The following WWOX variants were observed in gnomAD, a reference collection of about 807,000 sequenced individuals.
WWOX encodes the protein WW domain-containing oxidoreductase.
A neutral mutation model predicts 46.2 loss-of-function variants in WWOX; 69 were observed. The observed-to-expected ratio is 1.49, with a 90% CI of 1.23 to 1.82. WWOX has a LOEUF of 1.82. Ranked by LOEUF, WWOX falls within the 40% of genes most tolerant of loss-of-function variation. The pLI, the probability that WWOX is intolerant of heterozygous loss-of-function variation, is 0.00. For synonymous variants in WWOX, 359 were observed against 202.6 expected (o/e 1.77, Z -6.56); for missense variants, 919 against 542.6 (o/e 1.69, Z -6.89).
intron 5 of WWOX, among the ~76,000 whole-genome samples, chr16:78,383,750 C>T (rs1421831705): frequency 1.3e-5 from 2 of 152,154 alleles, no homozygotes; most frequent in Admixed American, 6.5e-5. Context: ...CTCCATTTCT[C>T]AGGATTGGTA....
chr16:79,063,616 A>G (rs1408021558), intron 8 of WWOX, among the ~76,000 whole-genome samples: 1 of 152,238 alleles, frequency 6.6e-6, no homozygotes, highest in Non-Finnish European at 1.5e-5. Context: ...TTGGCCTTTA[A>G]GCCATCACTA....
intron 8 of WWOX, among the ~76,000 whole-genome samples, chr16:78,635,032 C>T (rs1436697590): frequency 6.6e-6 from 1 of 152,114 alleles, no homozygotes; most frequent in Non-Finnish European, 1.5e-5. Context: ...TCATCCAACC[C>T]TGACGGCTTC....
At chr16:78,711,479 A>G in intron 8 of WWOX, among the ~76,000 whole-genome samples, 1 of 152,220 alleles carries the variant, frequency 6.6e-6, no homozygotes, top group East Asian at 1.9e-4. Flanking sequence ...TGTATCAACT[A>G]AGAAGACTAT....
chr16:78,099,905 G>C lies in WWOX; in HGVS notation c.107+20G>C. ...CGCCAAGTAAGGGGGCCGCAGTGGG[G>C]CCGCGGACGCACCTGGGACCCTGCA... On this transcript the variant is annotated intron_variant, in intron 1 of 8. Coordinates refer to ENST00000566780, the MANE Select transcript of WWOX (RefSeq NM_016373.4). 1 of 1,551,954 alleles carries C rather than the reference G, an allele frequency of 6.4e-7. No homozygotes were observed. Among genetic ancestry groups the C allele is most frequent in the South Asian group, 1.2e-5 (1 of 83,784 alleles).
intron 1 of WWOX, 29 bp from the exon 2 acceptor site, chr16:78,108,394 A>G (rs374137196): frequency 1.9e-6 from 3 of 1,602,252 alleles, no homozygotes; most frequent in Admixed American, 1.7e-5. Flanking sequence ...ATTTTTACTT[A>G]TTACTGTGGA....
chr16:78,538,218 CAAAAAAAAAAA>C (rs67413792), intron 8 of WWOX, among the ~76,000 whole-genome samples: 4 of 60,034 alleles, frequency 6.7e-5, no homozygotes, highest in Non-Finnish European at 8.4e-5. Context: ...TCACTCACAC[CAAAAAAAAAAA>C]AAAAAAAAAA....
chr16:78,962,144 C>G (rs1017038367), intron 8 of WWOX, among the ~76,000 whole-genome samples: 2 of 152,026 alleles, frequency 1.3e-5, no homozygotes, highest in Non-Finnish European at 2.9e-5. Flanking sequence ...GAACAGGAAT[C>G]TCTCCCAGAG....
At chr16:78,382,848 C>G (rs916122574) in intron 5 of WWOX, among the ~76,000 whole-genome samples, 1 of 151,848 alleles carries the variant, frequency 6.6e-6, no homozygotes, top group Non-Finnish European at 1.5e-5. Flanking sequence ...TGTGTTAGTT[C>G]CTTCTCACAC....
intron 8 of WWOX, among the ~76,000 whole-genome samples, chr16:78,816,689 A>T (rs559294836): frequency 3.2e-3 from 481 of 152,046 alleles, no homozygotes; most frequent in Non-Finnish European, 5.5e-3. Context: ...GGACACTTTT[A>T]TGTCACTTTA....
chr16:78,825,324 G>A, intron 8 of WWOX: 1 of 304,230 alleles, frequency 3.3e-6, no homozygotes, highest in South Asian at 3.9e-5. Flanking sequence ...GTCGCTGATG[G>A]CATCTTCAAA....
At chr16:78,423,251 C>T (rs559492017) in intron 6 of WWOX, among the ~76,000 whole-genome samples, 175 of 152,154 alleles carry the variant, frequency 1.2e-3, no homozygotes, top group African/African-American at 4.1e-3. Context: ...CTGTGTGTGT[C>T]TGTGTCTGAT....
chr16:78,913,090 G>C (rs1180855908), intron 8 of WWOX, among the ~76,000 whole-genome samples: 5 of 151,924 alleles, frequency 3.3e-5, no homozygotes, highest in Non-Finnish European at 7.4e-5. Flanking sequence ...CCTAGCTTTT[G>C]CTTCCCACAT....
chr16:79,004,239 G>A (rs576732569), intron 8 of WWOX: 18 of 152,294 alleles, frequency 1.2e-4, no homozygotes, highest in African/African-American at 3.4e-4. Flanking sequence ...GCAATAGAAG[G>A]CGCTGCACGG....
Position 78,184,249 on chromosome 16 carries a change from T to C in WWOX, c.516+19960T>C, listed in dbSNP as rs1023018899. On this transcript the variant is annotated intron_variant, in intron 5 of 8. Transcript: ENST00000566780. Reference sequence around the variant, plus strand: ...ACTTCAGCCAGAGGTAGGATAGGGATTTTGAAGTGTTTGGAGAAGTGTTTT... The same window carrying C: ...ACTTCAGCCAGAGGTAGGATAGGGACTTTGAAGTGTTTGGAGAAGTGTTTT... 4.6e-5 allele frequency among the ~76,000 whole-genome samples: 7 copies of C among 152,104 alleles called. No homozygotes were observed. In the East Asian group the frequency reaches 1.4e-3, roughly 29 times the overall value.
chr16:79,054,830 A>G (rs1194532223), intron 8 of WWOX, among the ~76,000 whole-genome samples: 2 of 152,204 alleles, frequency 1.3e-5, no homozygotes, highest in Non-Finnish European at 2.9e-5. Context: ...TTGTCTCAAA[A>G]CAAACAAAGA....
At chr16:78,761,947 C>A (rs199518454) in intron 8 of WWOX, among the ~76,000 whole-genome samples, 1 of 152,212 alleles carries the variant, frequency 6.6e-6, no homozygotes, top group East Asian at 1.9e-4. Flanking sequence ...ATACATAAGA[C>A]AAAGACCACC....
chr16:78,650,522 C>A (rs1026092255), intron 8 of WWOX, among the ~76,000 whole-genome samples: 6 of 152,110 alleles, frequency 3.9e-5, no homozygotes, highest in African/African-American at 1.4e-4. Context: ...AAATCTAAAG[C>A]CCGAGTCGTA....
At chr16:78,706,756 T>C (rs1250232258) in intron 8 of WWOX, among the ~76,000 whole-genome samples, 3 of 152,188 alleles carry the variant, frequency 2.0e-5, no homozygotes, top group Non-Finnish European at 4.4e-5. Context: ...GCACCTCAGA[T>C]GGTTCTTCCT....
intron 8 of WWOX, among the ~76,000 whole-genome samples, chr16:78,697,383 A>C (rs1382897611): frequency 1.3e-5 from 2 of 152,134 alleles, no homozygotes; most frequent in Non-Finnish European, 2.9e-5. Flanking sequence ...GGTATCGCAA[A>C]TGCAACAAAA....
Sources: allele counts gnomAD v4.1 joint callset (sites outside exome capture counted in the v4.1 genomes callset), GRCh38; gene constraint gnomAD v4.1.1; transcripts MANE v1.5; gene names NCBI Gene and HGNC (gene_info 2026-07-23, HGNC 2026-07-21).